The following CDH2 variants were observed in gnomAD, a reference collection of about 807,000 sequenced individuals.
CDH2 encodes cadherin 2.
In CDH2, 17 loss-of-function variants were observed where a neutral mutation model predicts 92.0. That is an observed-to-expected ratio of 0.18 (90% confidence interval 0.13 to 0.28). CDH2 has a LOEUF of 0.28. Among genes scored for constraint, CDH2 ranks in the 10% least tolerant of loss-of-function variants. The probability of loss-of-function intolerance (pLI) is 1.00; values close to 1 mark genes in which losing one functional copy is unlikely to be tolerated. For synonymous variants in CDH2, 419 were observed against 415.9 expected (o/e 1.01, Z -0.09); for missense variants, 862 against 1,133.1 (o/e 0.76, Z 3.44).
chr18:28,078,124 A>G (rs949505942), intron 2 of CDH2, among the ~76,000 whole-genome samples: 1 of 152,056 alleles, frequency 6.6e-6, no homozygotes, highest in African/African-American at 2.4e-5. Flanking sequence ...GACAGATTAC[A>G]TTCCTTTTGC....
chr18:28,078,672 C>T (rs1301231639), intron 2 of CDH2, among the ~76,000 whole-genome samples: 1 of 139,656 alleles, frequency 7.2e-6, no homozygotes, highest in Non-Finnish European at 1.5e-5. Flanking sequence ...GGCATTTGTA[C>T]ATTGATTTTT....
At chr18:28,081,636 C>T (rs939089486) in intron 2 of CDH2, among the ~76,000 whole-genome samples, 4 of 152,146 alleles carry the variant, frequency 2.6e-5, no homozygotes, top group African/African-American at 9.7e-5. Context: ...TATTATTCCA[C>T]TTATGTGTAA....
At chr18:27,964,634 T>C (rs949627793) in intron 14 of CDH2, among the ~76,000 whole-genome samples, 7 of 152,240 alleles carry the variant, frequency 4.6e-5, no homozygotes, top group Non-Finnish European at 7.3e-5. Flanking sequence ...TTGTTTAACG[T>C]TTACCATGTT....
chr18:28,031,689 C>T (rs2013699659), intron 2 of CDH2, among the ~76,000 whole-genome samples: 1 of 152,036 alleles, frequency 6.6e-6, no homozygotes, highest in Admixed American at 6.6e-5. Context: ...GAGGAAAGAA[C>T]AGAGGAAAAG....
chr18:27,967,069 G>A (rs1245710011), intron 14 of CDH2, among the ~76,000 whole-genome samples: 1 of 152,162 alleles, frequency 6.6e-6, no homozygotes, highest in East Asian at 1.9e-4. Context: ...CATAATGATG[G>A]AAGCCTGTTA....
chr18:27,956,742 A>G (rs1348235152), intron 15 of CDH2, among the ~76,000 whole-genome samples: 2 of 152,208 alleles, frequency 1.3e-5, no homozygotes, highest in Non-Finnish European at 2.9e-5. Context: ...AGTTCCCCCG[A>G]CAATGGGCAA....
At chr18:28,111,168 G>A (rs2144253702) in intron 2 of CDH2, among the ~76,000 whole-genome samples, 1 of 152,280 alleles carries the variant, frequency 6.6e-6, no homozygotes, top group Non-Finnish European at 1.5e-5. Context: ...ATCAAATGCT[G>A]CCAGGGAAGA....
At chr18:27,945,666 C>T (rs956963894) in intron 6 of CDH2, among the ~76,000 whole-genome samples, 7 of 152,118 alleles carry the variant, frequency 4.6e-5, no homozygotes, top group South Asian at 2.1e-4. Context: ...TCCATTAACA[C>T]GCTGGTGACC....
chr18:27,948,482 C>T (rs1909330684), downstream of CDH2, among the ~76,000 whole-genome samples: 7 of 151,678 alleles, frequency 4.6e-5, no homozygotes, highest in South Asian at 1.5e-3. Context: ...TCTCAAAAAT[C>T]TAGTCAAACA....
intron 2 of CDH2, among the ~76,000 whole-genome samples, chr18:28,111,374 C>T (rs1055929459): frequency 1.3e-5 from 2 of 152,206 alleles, no homozygotes; most frequent in African/African-American, 4.8e-5. Flanking sequence ...TATTAGTTAG[C>T]ATAACTTTGG....
At chr18:28,102,317 G>C (rs1475107755) in intron 2 of CDH2, among the ~76,000 whole-genome samples, 2 of 152,062 alleles carry the variant, frequency 1.3e-5, no homozygotes, top group Non-Finnish European at 1.5e-5. Context: ...ACTGCCTAAA[G>C]AATTGTTAAT....
intron 2 of CDH2, among the ~76,000 whole-genome samples, chr18:28,026,377 T>C (rs2013553776): frequency 6.6e-6 from 1 of 152,158 alleles, no homozygotes; most frequent in Non-Finnish European, 1.5e-5. Context: ...GATCAAAACA[T>C]GATGGTGGCT....
At chr18:28,120,612 C>T (rs777487467) in intron 2 of CDH2, among the ~76,000 whole-genome samples, 9 of 151,846 alleles carry the variant, frequency 5.9e-5, no homozygotes, top group Non-Finnish European at 8.8e-5. Context: ...ATATGTCAAA[C>T]CTATAATAAA....
chr18:28,022,989 G>C (rs1599041168), intron 2 of CDH2, among the ~76,000 whole-genome samples: 1 of 152,112 alleles, frequency 6.6e-6, no homozygotes, highest in South Asian at 2.1e-4. Flanking sequence ...AATCTAAAGA[G>C]AGTAATATTT....
At chr18:27,994,859 A>C (rs2012530700) in intron 7 of CDH2, among the ~76,000 whole-genome samples, 1 of 152,126 alleles carries the variant, frequency 6.6e-6, no homozygotes, top group South Asian at 2.1e-4. Context: ...TGTCCACCCA[A>C]ATGCCAATCT....
At chr18:28,110,874 C>G (rs146128772) in intron 2 of CDH2, among the ~76,000 whole-genome samples, 1 of 152,204 alleles carries the variant, frequency 6.6e-6, no homozygotes, top group East Asian at 1.9e-4. Flanking sequence ...CCACTATTCT[C>G]TAAATTGTTG....
At position 27,985,701 on chromosome 18, in the gene CDH2, T is replaced by C. The variant is rs201775968; in HGVS notation, c.1802A>G (p.Asn601Ser). Residue 601 changes from asparagine to serine, a missense_variant, in exon 12 of 16, where the codon AAT becomes AGT. Coordinates refer to ENST00000269141, the MANE Select transcript of CDH2 (RefSeq NM_001792.5). Reference protein sequence around the residue: ...LQIYLLDINDNAPQVLPQEAE... With the variant: ...LQIYLLDINDSAPQVLPQEAE... Reference sequence around the variant, plus strand: ...CTCTTGAGGTAACACTTGAGGGGCATTGTCATTAATATCAAGTAAATAGAT... The same window carrying C: ...CTCTTGAGGTAACACTTGAGGGGCACTGTCATTAATATCAAGTAAATAGAT... The C allele has an allele frequency of 2.3e-5, 37 of 1,613,950 alleles. No individual in the cohort carries two copies. In the Admixed American group the frequency reaches 2.5e-4, roughly 11 times the overall value.
intron 15 of CDH2, among the ~76,000 whole-genome samples, 160 bp from the exon 16 acceptor site, chr18:27,952,519 C>T (rs1909511569): frequency 6.6e-6 from 1 of 152,028 alleles, no homozygotes; most frequent in Non-Finnish European, 1.5e-5. Flanking sequence ...GAGATATAAC[C>T]ATTTGAAAGT....
At chr18:28,085,930 T>C (rs531490621) in intron 2 of CDH2, among the ~76,000 whole-genome samples, 3 of 152,174 alleles carry the variant, frequency 2.0e-5, no homozygotes, top group Non-Finnish European at 4.4e-5. Context: ...ACACAGGTTA[T>C]TAACTACCAC....
Sources: allele counts gnomAD v4.1 joint callset (sites outside exome capture counted in the v4.1 genomes callset), GRCh38; gene constraint gnomAD v4.1.1; transcripts MANE v1.5; gene names NCBI Gene and HGNC (gene_info 2026-07-23, HGNC 2026-07-21).